The following BBX variants were observed in gnomAD, a reference collection of about 807,000 sequenced individuals.
BBX encodes the protein HMG box transcription factor BBX.
A neutral mutation model predicts 100.2 loss-of-function variants in BBX; 30 were observed. The ratio of observed to expected loss-of-function variants is 0.30; its 90% CI spans 0.22 to 0.41. The LOEUF (loss-of-function observed/expected upper bound fraction) is 0.41, where lower values mean the gene tolerates loss of function less well. Among genes scored for constraint, BBX ranks in the 10% least tolerant of loss-of-function variants. The pLI, the probability that BBX is intolerant of heterozygous loss-of-function variation, is 1.00. For missense variants in BBX, 1,023 were observed against 1,129.8 expected (o/e 0.91, Z 1.35); for synonymous variants, 376 against 388.1 (o/e 0.97, Z 0.37).
At chr3:107,578,010 G>A (rs942766806) in intron 2 of BBX, among the ~76,000 whole-genome samples, 3 of 152,202 alleles carry the variant, frequency 2.0e-5, no homozygotes, top group African/African-American at 7.2e-5. Context: ...TAATGAATTT[G>A]TATCTAACAT....
chr3:107,554,924 C>T (rs187964495), intron 2 of BBX, among the ~76,000 whole-genome samples: 11 of 151,888 alleles, frequency 7.2e-5, no homozygotes, highest in Admixed American at 1.3e-4. Context: ...CAAAATTAGC[C>T]GGGCATGGTG....
intron 2 of BBX, among the ~76,000 whole-genome samples, chr3:107,618,281 G>A (rs948523267): frequency 3.3e-5 from 5 of 151,802 alleles, no homozygotes; most frequent in African/African-American, 1.2e-4. Flanking sequence ...CTTATGTTTT[G>A]TTAGGGATTT....
chr3:107,655,505 T>C (rs1370077066), intron 3 of BBX, among the ~76,000 whole-genome samples: 2 of 136,322 alleles, frequency 1.5e-5, no homozygotes, highest in East Asian at 2.3e-4. Context: ...TAAAGTATGA[T>C]AATTAATTTT....
chr3:107,749,312 A>G (rs1265673321), intron 9 of BBX, among the ~76,000 whole-genome samples: 1 of 152,214 alleles, frequency 6.6e-6, no homozygotes, highest in Non-Finnish European at 1.5e-5. Context: ...GTTGATGCCC[A>G]TTGATTCTTC....
At chr3:107,531,492 G>A (rs901489288) in intron 2 of BBX, among the ~76,000 whole-genome samples, 3 of 151,928 alleles carry the variant, frequency 2.0e-5, no homozygotes, top group East Asian at 1.9e-4. Context: ...CACAGTTAGC[G>A]CTCAATATAT....
intron 2 of BBX, among the ~76,000 whole-genome samples, chr3:107,626,479 G>A (rs1163764036): frequency 6.6e-6 from 1 of 152,012 alleles, no homozygotes; most frequent in Non-Finnish European, 1.5e-5. Flanking sequence ...TGTGATTCTG[G>A]CTCAGGGTAT....
At chr3:107,709,717 A>G (rs772648399) in intron 3 of BBX, among the ~76,000 whole-genome samples, 1 of 152,226 alleles carries the variant, frequency 6.6e-6, no homozygotes, top group Admixed American at 6.5e-5. Flanking sequence ...GGAGAGGGCA[A>G]ACCTCGTTTT....
At chr3:107,634,677 C>G (rs1349135030) in intron 2 of BBX, among the ~76,000 whole-genome samples, 1 of 152,166 alleles carries the variant, frequency 6.6e-6, no homozygotes, top group Non-Finnish European at 1.5e-5. Context: ...TGTTACTGTT[C>G]ACCCTGAAAA....
intron 7 of BBX, among the ~76,000 whole-genome samples, chr3:107,743,704 T>G (rs2107603481): frequency 6.6e-6 from 1 of 152,276 alleles, no homozygotes; most frequent in Middle Eastern, 3.4e-3. Flanking sequence ...CCATCAAATA[T>G]AATCACATGC....
At chr3:107,700,406 TTCA>T (rs66663431) in intron 3 of BBX, among the ~76,000 whole-genome samples, 44,874 of 103,780 alleles carry the variant, frequency 0.43, 7,950 homozygotes, top group Admixed American at 0.54. Flanking sequence ...GGTATTTTCT[TTCA>T]TCATCATTAT....
intron 2 of BBX, among the ~76,000 whole-genome samples, chr3:107,540,596 G>A (rs1360589102): frequency 2.0e-5 from 3 of 152,140 alleles, no homozygotes; most frequent in Non-Finnish European, 4.4e-5. Context: ...TTAAGCCCTG[G>A]CAGTGTTGCC....
chr3:107,599,665 GTCGTAAT>G (rs1240641502), intron 2 of BBX: 1 of 152,138 alleles, frequency 6.6e-6, no homozygotes, highest in Non-Finnish European at 1.5e-5. Context: ...TGGCTGTAAG[GTCGTAAT>G]TCTATCTAGT....
At chr3:107,677,226 C>A (rs1018268950) in intron 3 of BBX, among the ~76,000 whole-genome samples, 2 of 152,056 alleles carry the variant, frequency 1.3e-5, no homozygotes, top group Non-Finnish European at 2.9e-5. Flanking sequence ...ATATGGAAAG[C>A]ATAGAAAACT....
chr3:107,535,022 T>G (rs2048395306), intron 2 of BBX, among the ~76,000 whole-genome samples: 1 of 152,234 alleles, frequency 6.6e-6, no homozygotes, highest in African/African-American at 2.4e-5. Context: ...AACAACTTTC[T>G]GATGATAAAT....
chr3:107,536,804 C>A (rs2048524486), intron 2 of BBX, among the ~76,000 whole-genome samples: 1 of 152,086 alleles, frequency 6.6e-6, no homozygotes, highest in Non-Finnish European at 1.5e-5. Flanking sequence ...TATGGAACAA[C>A]CCTTGTCCTC....
chr3:107,583,980 AT>A (rs1373466721), intron 2 of BBX, among the ~76,000 whole-genome samples: 2 of 86,084 alleles, frequency 2.3e-5, no homozygotes, highest in African/African-American at 1.1e-4. Context: ...ATATTATTAT[AT>A]TATTATATAT....
chr3:107,801,430 C>A, intron 17 of BBX, 149 bp downstream of exon 17: 1 of 803,096 alleles, frequency 1.2e-6, no homozygotes, highest in Non-Finnish European at 1.9e-6. Context: ...AGCATATATG[C>A]TAATTAGCAG....
At chr3:107,619,095 G>A (rs2055532755) in intron 2 of BBX, among the ~76,000 whole-genome samples, 1 of 151,966 alleles carries the variant, frequency 6.6e-6, no homozygotes, top group Non-Finnish European at 1.5e-5. Context: ...TTTAGGATTG[G>A]TATATTTTCT....
chr3:107,795,120 T>C (rs1298856809), intron 15 of BBX, among the ~76,000 whole-genome samples: 1 of 152,202 alleles, frequency 6.6e-6, no homozygotes, highest in African/African-American at 2.4e-5. Context: ...TTCTTACATT[T>C]CCATTAGGTT....
Sources: gnomAD v4.1 joint callset for allele counts (sites outside exome capture counted in the v4.1 genomes callset) on GRCh38, gnomAD v4.1.1 for gene constraint, MANE v1.5 for transcripts, NCBI Gene and HGNC (gene_info 2026-07-23, HGNC 2026-07-21) for gene names.